Variants in KATNBL1 observed in about 807,000 individuals in gnomAD.
KATNBL1 encodes katanin regulatory subunit B1 like 1.
In KATNBL1, 28 loss-of-function variants were observed where a neutral mutation model predicts 44.7. The observed-to-expected ratio is 0.63, with a 90% CI of 0.46 to 0.86. The LOEUF (loss-of-function observed/expected upper bound fraction) is 0.86. Ranked by LOEUF, KATNBL1 falls within the 40% of genes least tolerant of loss-of-function variation. The pLI, the probability that KATNBL1 is intolerant of heterozygous loss-of-function variation, is 0.00. For missense variants in KATNBL1, 272 were observed against 350.7 expected (o/e 0.78, Z 1.79); for synonymous variants, 78 against 114.9 (o/e 0.68, Z 2.06).
rs375825009 is a variant in KATNBL1 at position 34,152,795 on chromosome 15, A to G, written c.433T>C (p.Ser145Pro). The G allele has an allele frequency of 4.4e-6, 7 of 1,606,976 alleles. No individual in the cohort carries two copies. Among genetic ancestry groups the G allele is most frequent in the African/African-American group, 1.3e-5 (1 of 74,610 alleles). The change falls in exon 4 of 10, where the codon TCT (serine) becomes CCT (proline). Residue 145 changes from serine to proline, a missense_variant. Coordinates refer to ENST00000256544, the MANE Select transcript of KATNBL1 (RefSeq NM_024713.3). ...SPSSKYSGFF[S>P]EVSQDHETMA... ...GAGTTAGAGAAAAGACTTACCTCAG[A>G]AAAAAACCCACTATATTTTGATGAT... is the stretch of plus-strand genomic sequence containing the variant.
chr15:34,153,060 T>C lies in KATNBL1; in HGVS notation c.168A>G (p.Gly56=). The change falls in exon 4 of 10, where the codon GGA becomes GGG. Residue 56 remains glycine (G), a synonymous_variant. Coordinates refer to ENST00000256544, the MANE Select transcript of KATNBL1 (RefSeq NM_024713.3). The part of the protein sequence containing the change: ...QLAAYINRTV[G]QTVKSPDKLR... ...GTTTATCTGGGCTTTTCACAGTTTG[T>C]CCAACTGTTCTGTAAAAAGAATTTA... 1 of 1,598,048 alleles carries C rather than the reference T, an allele frequency of 6.3e-7. No individual in the cohort carries two copies.
Position 34,167,064 on chromosome 15 carries a change from C to T in KATNBL1, c.-14-3374G>A, listed in dbSNP as rs141756043. On this transcript the variant is annotated intron_variant, in intron 1 of 9. Coordinates refer to ENST00000256544, the MANE Select transcript of KATNBL1 (RefSeq NM_024713.3). Reference sequence around the variant, plus strand: ...CCACCAAAGGAACACAACTCCTCACCAGCAAGAGAACAAAACTGGATGGAG... The same window carrying T: ...CCACCAAAGGAACACAACTCCTCACTAGCAAGAGAACAAAACTGGATGGAG... Among the ~76,000 whole-genome samples the T allele has an allele frequency of 9.5e-3, 1,452 of 152,284 alleles. 10 individuals carry two copies. The highest frequency in any genetic ancestry group is 0.041 in the Middle Eastern group (12 of 294).
At chr15:34,149,272 A>T (rs923959678) in intron 4 of KATNBL1, among the ~76,000 whole-genome samples, 6 of 152,368 alleles carry the variant, frequency 3.9e-5, no homozygotes, top group Admixed American at 1.3e-4. Flanking sequence ...AAATAATCAC[A>T]GTTAACAGAC....
At chr15:34,159,995 C>A (rs1182523113) in intron 2 of KATNBL1, among the ~76,000 whole-genome samples, 1 of 152,034 alleles carries the variant, frequency 6.6e-6, no homozygotes, top group African/African-American at 2.4e-5. Context: ...AAATTTAGGT[C>A]CCACTTGTAA....
chr15:34,158,710 A>C (rs1888710398), intron 2 of KATNBL1, among the ~76,000 whole-genome samples: 5 of 152,132 alleles, frequency 3.3e-5, no homozygotes, highest in Admixed American at 6.6e-5. Context: ...GATGCTTTAA[A>C]GGCTTGATTT....
intron 1 of KATNBL1, among the ~76,000 whole-genome samples, chr15:34,167,954 C>A (rs758848311): frequency 2.0e-4 from 30 of 152,208 alleles, no homozygotes; most frequent in Non-Finnish European, 3.7e-4. Flanking sequence ...AACATGGTTA[C>A]GAACAACCAG....
At chr15:34,188,752 C>G (rs532714477) in intron 1 of KATNBL1, among the ~76,000 whole-genome samples, 1 of 152,312 alleles carries the variant, frequency 6.6e-6, no homozygotes, top group Admixed American at 6.5e-5. Flanking sequence ...TGGAAGTTTT[C>G]TCTCTAGTCT....
chr15:34,174,764 C>T (rs1015409823), intron 1 of KATNBL1, among the ~76,000 whole-genome samples: 3 of 151,970 alleles, frequency 2.0e-5, no homozygotes, highest in Non-Finnish European at 4.4e-5. Context: ...AAGCGATTCT[C>T]CTGCCTGGAT....
chr15:34,146,717 T>C, intron 8 of KATNBL1, 44 bp downstream of exon 8: 1 of 1,122,866 alleles, frequency 8.9e-7, no homozygotes, highest in Admixed American at 1.7e-5. Context: ...GCTGCTTTCC[T>C]GAAGAAAATT....
chr15:34,199,214 G>A (rs1333660637), intron 1 of KATNBL1, among the ~76,000 whole-genome samples: 3 of 152,146 alleles, frequency 2.0e-5, no homozygotes, highest in South Asian at 2.1e-4. Context: ...TGACGTGGGC[G>A]GATCACGAGG....
intron 1 of KATNBL1, among the ~76,000 whole-genome samples, chr15:34,207,904 C>G (rs1890336594): frequency 1.3e-5 from 2 of 152,202 alleles, no homozygotes; most frequent in Admixed American, 1.3e-4. Context: ...CCACCATCCA[C>G]CCTTCTGTTC....
chr15:34,202,423 T>C (rs779637584), intron 1 of KATNBL1, among the ~76,000 whole-genome samples: 20 of 151,522 alleles, frequency 1.3e-4, no homozygotes, highest in Non-Finnish European at 2.9e-4. Context: ...AAAATGATAC[T>C]AGAGACATTC....
At chr15:34,148,104 A>T (rs368391593) in intron 5 of KATNBL1, among the ~76,000 whole-genome samples, 1 of 152,042 alleles carries the variant, frequency 6.6e-6, no homozygotes, top group Non-Finnish European at 1.5e-5. Context: ...TCTCACCTCA[A>T]CCTTCCCAAA....
At chr15:34,204,989 G>GTTT (rs565440431) in intron 1 of KATNBL1, among the ~76,000 whole-genome samples, 6 of 136,412 alleles carry the variant, frequency 4.4e-5, no homozygotes, top group South Asian at 2.4e-4. Context: ...AAGAGGGACA[G>GTTT]TTTTTTTTTT....
chr15:34,203,651 T>A (rs1045565586), intron 1 of KATNBL1, among the ~76,000 whole-genome samples: 1 of 152,232 alleles, frequency 6.6e-6, no homozygotes, highest in Non-Finnish European at 1.5e-5. Context: ...GCAGGAACCA[T>A]GTTCATTGTA....
intron 1 of KATNBL1, among the ~76,000 whole-genome samples, chr15:34,179,668 A>G (rs1889460149): frequency 6.6e-6 from 1 of 152,188 alleles, no homozygotes; most frequent in South Asian, 2.1e-4. Context: ...ATAGAAAACT[A>G]AATGCATAGT....
Position 34,193,432 on chromosome 15 carries a change from GCTGAGACACAAGAATCGC to G in KATNBL1, c.-15+16501_-15+16518del, listed in dbSNP as rs1291773922. ...GTCTGTAATCTCAGCTATTCAGGAG[GCTGAGACACAAGAATCGC>G]CTGAACCTGGGATGCGGAGGTTGCA... On this transcript the variant is annotated intron_variant, in intron 1 of 9. Coordinates refer to ENST00000256544, the MANE Select transcript of KATNBL1 (RefSeq NM_024713.3). Among the ~76,000 whole-genome samples, 12 of 151,498 alleles carry G rather than the reference GCTGAGACACAAGAATCGC, an allele frequency of 7.9e-5. No individual in the cohort carries two copies. The East Asian group carries it at 2.3e-3, about 29-fold the overall frequency.
In KATNBL1 at chr15:34,163,689, A is replaced by G. The variant is rs771018411; in HGVS notation, c.-13T>C. ...TTTCTGATGCCATAATCTCTTAAGT[A>G]CCTAGACAATAAAATAAAATAGAAA... is the stretch of plus-strand genomic sequence containing the variant. On this transcript the variant is annotated splice_region_variant and 5_prime_UTR_variant, in exon 2 of 10. Transcript: ENST00000256544. 1.4e-6 allele frequency: 2 copies of G among 1,471,540 alleles called. No individual in the cohort carries two copies. Among genetic ancestry groups the G allele is most frequent in the Admixed American group, 4.7e-5 (2 of 42,830 alleles). The allele number at this position is 1,471,540 out of a possible 1,614,324, so 91.2% of individuals were successfully genotyped here.
At chr15:34,181,497 T>A (rs1168046497) in intron 1 of KATNBL1, among the ~76,000 whole-genome samples, 1 of 150,336 alleles carries the variant, frequency 6.7e-6, no homozygotes, top group Non-Finnish European at 1.5e-5. Context: ...TAAAAATTAA[T>A]AATTAATTTT....
Sources: gnomAD v4.1 joint callset for allele counts (sites outside exome capture counted in the v4.1 genomes callset) on GRCh38, gnomAD v4.1.1 for gene constraint, MANE v1.5 for transcripts, NCBI Gene and HGNC (gene_info 2026-07-23, HGNC 2026-07-21) for gene names.